The following SFSWAP variants were observed in gnomAD, a reference collection of about 807,000 sequenced individuals.
SFSWAP encodes splicing factor, suppressor of white-apricot homolog.
In SFSWAP, 17 loss-of-function variants were observed where a neutral mutation model predicts 100.7. That is an observed-to-expected ratio of 0.17 (90% confidence interval 0.12 to 0.25). The LOEUF is 0.25. Among genes scored for constraint, SFSWAP ranks in the 10% least tolerant of loss-of-function variants. The probability of loss-of-function intolerance (pLI) is 1.00; values close to 1 mark genes in which losing one functional copy is unlikely to be tolerated. For synonymous variants in SFSWAP, 504 were observed against 510.1 expected, an observed-to-expected ratio of 0.99 and a Z score of 0.16; for missense variants, 1,005 against 1,262.6, an observed-to-expected ratio of 0.80 and a Z score of 3.09.
chr12:131,776,683 G>A (rs920710449), intron 13 of SFSWAP, among the ~76,000 whole-genome samples: 3 of 152,224 alleles, frequency 2.0e-5, no homozygotes, highest in Admixed American at 6.5e-5. Flanking sequence ...AGCTCTCCCC[G>A]GGGAGCAGCT....
intron 12 of SFSWAP, among the ~76,000 whole-genome samples, chr12:131,765,633 A>G (rs1261575332): frequency 6.6e-6 from 1 of 151,896 alleles, no homozygotes; most frequent in Non-Finnish European, 1.5e-5. Flanking sequence ...GGGCAACAAG[A>G]GCAAAAACTC....
intron 15 of SFSWAP, among the ~76,000 whole-genome samples, chr12:131,791,979 C>T (rs929432295): frequency 6.7e-6 from 1 of 148,268 alleles, no homozygotes; most frequent in African/African-American, 2.5e-5. Flanking sequence ...CTGGTCATTA[C>T]TGTGTGTGCA....
rs60047663 is a variant in SFSWAP at position 131,740,966 on chromosome 12, CTTTTTT to C, written c.1082-12138_1082-12133del. 1.4e-4 allele frequency among the ~76,000 whole-genome samples: 10 copies of C among 70,144 alleles called. No individual in the cohort carries two copies. The East Asian group carries it at 1.5e-3, about 11-fold the overall frequency. The allele number at this position is 70,144 out of a possible 152,430, so 46.0% of individuals were successfully genotyped here. On this transcript the variant is annotated intron_variant, in intron 7 of 17. Transcript: ENST00000261674. The stretch of plus-strand genomic sequence containing the variant: ...TCATTTCTTTTTTTTTCTTTTTTTT[CTTTTTT>C]TTTTTTTTTTTTTTTTTTGAGATAG...
At position 131,734,241 on chromosome 12, in the gene SFSWAP, A is replaced by G. The variant is rs1354973634; in HGVS notation, c.1081+5813A>G. ...GTTGGGCTGGGTGTGGCTCGTACAT[A>G]GGACAGGGCCCACACACTGGATTCA... On this transcript the variant is annotated intron_variant, in intron 7 of 17. Coordinates refer to ENST00000261674, the MANE Select transcript of SFSWAP (RefSeq NM_004592.4). The surrounding 1 kb of genome is among the most constrained non-coding windows in gnomAD (Gnocchi z 4.9). Among the ~76,000 whole-genome samples, 3 of 152,350 alleles carry G rather than the reference A, an allele frequency of 2.0e-5. No homozygotes were observed. The East Asian group carries it at 5.8e-4, about 29-fold the overall frequency.
intron 15 of SFSWAP, among the ~76,000 whole-genome samples, chr12:131,792,232 GCGCC>G (rs1384933721): frequency 2.0e-5 from 3 of 151,088 alleles, no homozygotes; most frequent in South Asian, 2.1e-4. Flanking sequence ...TACTGTGTGT[GCGCC>G]CGTGTGTGTT....
intron 15 of SFSWAP, among the ~76,000 whole-genome samples, chr12:131,795,915 C>T (rs1413377105): frequency 3.4e-5 from 5 of 147,558 alleles, no homozygotes; most frequent in African/African-American, 1.0e-4. Flanking sequence ...CAGAGGGCCC[C>T]GCAGCCCTAC....
chr12:131,799,403 C>T lies in SFSWAP; in HGVS notation c.2791-20C>T, dbSNP rs1338004797. 2 of 1,613,562 alleles carry T rather than the reference C, an allele frequency of 1.2e-6. No individual in the cohort carries two copies. Among genetic ancestry groups the T allele is most frequent in the Non-Finnish European group, 1.7e-6 (2 of 1,179,462 alleles). The stretch of plus-strand genomic sequence containing the variant: ...TGGCCAGGTCTTCACAGGTTCTCCT[C>T]TGTGTCTCGCCCTGCACAGGATCTC... On this transcript the variant is annotated intron_variant, in intron 17 of 17. Coordinates refer to ENST00000261674, the MANE Select transcript of SFSWAP (RefSeq NM_004592.4).
chr12:131,770,873 C>G (rs1883532016), intron 13 of SFSWAP, among the ~76,000 whole-genome samples: 1 of 152,178 alleles, frequency 6.6e-6, no homozygotes, highest in African/African-American at 2.4e-5. Context: ...AGCCCTGGCA[C>G]CCACCTGCTT....
At chr12:131,736,880 A>C (rs1161661840) in intron 7 of SFSWAP, among the ~76,000 whole-genome samples, 2 of 151,976 alleles carry the variant, frequency 1.3e-5, no homozygotes, top group African/African-American at 4.8e-5. Context: ...AAGGTGACAG[A>C]CGTTTATTGT....
At position 131,727,466 on chromosome 12, in the gene SFSWAP, C is replaced by T. The variant is rs58457889; in HGVS notation, c.945+414C>T. 6.1e-3 allele frequency among the ~76,000 whole-genome samples: 929 copies of T among 152,166 alleles called. 69 individuals carry two copies. The East Asian group carries it at 0.16, about 26-fold the overall frequency. ...GTTCAAGACCAGCTGGCCAGCATGGCGAAACCCTATCACTACTAAAAATAC... is the reference window on the plus strand; with the variant it reads ...GTTCAAGACCAGCTGGCCAGCATGGTGAAACCCTATCACTACTAAAAATAC... On this transcript the variant is annotated intron_variant, in intron 6 of 17. Transcript: ENST00000261674.
At position 131,766,365 on chromosome 12, in the gene SFSWAP, AG is replaced by A. The variant is rs1349337010; in HGVS notation, c.2142+59del. 36 of 1,506,408 alleles carry A rather than the reference AG, an allele frequency of 2.4e-5. No individual in the cohort carries two copies. In the African/African-American group the frequency reaches 3.7e-4, roughly 16 times the overall value. 93.3% of individuals were successfully genotyped at this position (1,506,408 alleles called of 1,614,324 possible). ...GGCTGTGTGATACATAGAGGCAGGGAGGATGTGTCTCCCTCCAGCTGCCCTA... is the reference window on the plus strand; with the variant it reads ...GGCTGTGTGATACATAGAGGCAGGGAGATGTGTCTCCCTCCAGCTGCCCTA... On this transcript the variant is annotated intron_variant, in intron 13 of 17. Transcript: ENST00000261674.
intron 13 of SFSWAP, among the ~76,000 whole-genome samples, chr12:131,767,985 C>T (rs752138457): frequency 6.6e-6 from 1 of 152,240 alleles, no homozygotes; most frequent in Non-Finnish European, 1.5e-5. Context: ...TTCAAACCTT[C>T]AAAAAATTGG....
chr12:131,760,815 T>G (rs1011274072), intron 11 of SFSWAP, among the ~76,000 whole-genome samples: 10 of 152,274 alleles, frequency 6.6e-5, no homozygotes, highest in African/African-American at 2.4e-4. Context: ...GGCTCACGCT[T>G]GTAATCCCAG....
intron 15 of SFSWAP, among the ~76,000 whole-genome samples, chr12:131,793,342 C>T (rs1425460167): frequency 6.6e-6 from 1 of 152,072 alleles, no homozygotes; most frequent in African/African-American, 2.4e-5. Context: ...CCTTGGCCTC[C>T]GAAAATGCTG....
chr12:131,741,378 G>A (rs191956256), intron 7 of SFSWAP, among the ~76,000 whole-genome samples: 23 of 152,306 alleles, frequency 1.5e-4, no homozygotes, highest in African/African-American at 5.5e-4. Context: ...GCTCACACCT[G>A]TAGTCCCAGC....
Position 131,730,143 on chromosome 12 carries a change from C to G in SFSWAP, c.1081+1715C>G, listed in dbSNP as rs773089185. Among the ~76,000 whole-genome samples the G allele has an allele frequency of 6.6e-6, 1 of 152,190 alleles. No individual in the cohort carries two copies. Among genetic ancestry groups the G allele is most frequent in the Non-Finnish European group, 1.5e-5 (1 of 68,036 alleles). ...TGCTCTGTAGATCACTCCTAACGCCCAGTCCTCACTGCATGGATTTTTGGA... is the reference window on the plus strand; with the variant it reads ...TGCTCTGTAGATCACTCCTAACGCCGAGTCCTCACTGCATGGATTTTTGGA... On this transcript the variant is annotated intron_variant, in intron 7 of 17. Transcript: ENST00000261674. This position sits in a 1 kb window ranked among gnomAD's most constrained non-coding sequence, Gnocchi z 4.0.
intron 7 of SFSWAP, among the ~76,000 whole-genome samples, chr12:131,747,876 G>A (rs1262587170): frequency 2.0e-5 from 3 of 152,258 alleles, no homozygotes; most frequent in Non-Finnish European, 2.9e-5. Flanking sequence ...GGCTGGAGAA[G>A]TGAATTTTGC....
chr12:131,799,189 C>T, intron 17 of SFSWAP, 80 bp downstream of exon 17: 1 of 1,152,160 alleles, frequency 8.7e-7, no homozygotes, highest in Non-Finnish European at 1.3e-6. Flanking sequence ...TTTTCATTCC[C>T]TGTCCCTCCT....
Position 131,786,486 on chromosome 12 carries a change from G to T in SFSWAP, c.2432G>T (p.Arg811Met). 1 of 1,587,144 alleles carries T rather than the reference G, an allele frequency of 6.3e-7. No homozygotes were observed. The highest frequency in any genetic ancestry group is 1.3e-5 in the African/African-American group (1 of 74,624). Residue 811 changes from arginine (R) to methionine (M), a missense_variant, in exon 15 of 18, where the codon AGG becomes ATG. Physicochemically the swap from Arg to Met is moderately conservative, Grantham distance 91. Coordinates refer to ENST00000261674, the MANE Select transcript of SFSWAP (RefSeq NM_004592.4). ...AGGTCCCGCTCCCGGTCCCCTCGGAGGAGAGCCCACTCCCCTGAGAGACGG... is the reference window on the plus strand; with the variant it reads ...AGGTCCCGCTCCCGGTCCCCTCGGATGAGAGCCCACTCCCCTGAGAGACGG... The part of the protein sequence containing the change: ...RSRSRSRSPR[R>M]RAHSPERRRE...
Sources: allele counts gnomAD v4.1 joint callset (sites outside exome capture counted in the v4.1 genomes callset), GRCh38; gene constraint gnomAD v4.1.1; non-coding constraint Gnocchi (gnomAD v3.1); transcripts MANE v1.5; gene names NCBI Gene and HGNC (gene_info 2026-07-23, HGNC 2026-07-21).